Variants in FLT1 observed in about 807,000 individuals in gnomAD.
FLT1 encodes the protein fms related receptor tyrosine kinase 1, also known as vascular endothelial growth factor receptor 1.
Under a neutral mutation model 156.3 loss-of-function variants are expected in FLT1, and 49 were observed. That is an observed-to-expected ratio of 0.31 (90% CI 0.25 to 0.40). The LOEUF (loss-of-function observed/expected upper bound fraction) is 0.40. Among genes scored for constraint, FLT1 ranks in the 10% least tolerant of loss-of-function variants. The pLI is 1.00. For synonymous variants in FLT1, 594 were observed against 583.8 expected (o/e 1.02, Z -0.25); for missense variants, 1,322 against 1,637.2 (o/e 0.81, Z 3.32).
At chr13:28,377,413 C>T (rs1218646056) in intron 14 of FLT1, among the ~76,000 whole-genome samples, 2 of 144,698 alleles carry the variant, frequency 1.4e-5, no homozygotes, top group African/African-American at 4.9e-5. Context: ...TATTTTGATA[C>T]CATGATTGAG....
chr13:28,449,369 C>T (rs909088528), intron 3 of FLT1, among the ~76,000 whole-genome samples: 3 of 152,134 alleles, frequency 2.0e-5, no homozygotes, highest in Non-Finnish European at 4.4e-5. Flanking sequence ...GAATACTTGC[C>T]TGGTGTGTGT....
intron 11 of FLT1, among the ~76,000 whole-genome samples, chr13:28,398,384 A>G (rs1466135279): frequency 6.6e-6 from 1 of 152,220 alleles, no homozygotes; most frequent in Non-Finnish European, 1.5e-5. Context: ...ATACTCTACA[A>G]GTGGTTTGGC....
intron 13 of FLT1, chr13:28,388,891 C>T: frequency 1.9e-6 from 2 of 1,064,148 alleles, no homozygotes; most frequent in Non-Finnish European, 2.3e-6. Flanking sequence ...GCATGATCCA[C>T]TTTCTTTCAG....
chr13:28,350,603 G>A (rs1180301119), intron 15 of FLT1, among the ~76,000 whole-genome samples: 2 of 152,082 alleles, frequency 1.3e-5, no homozygotes, highest in African/African-American at 4.8e-5. Context: ...GAATGGGTAG[G>A]CAGCAGAGCC....
In FLT1 at chr13:28,439,138, C is replaced by T. The variant is rs1878201633; in HGVS notation, c.389-793G>A. ...AGGATTCAAACACCTGTTCAGCTTCCCTGTAACTCCTCAGGGAACCAGAAT... is the reference window on the plus strand; with the variant it reads ...AGGATTCAAACACCTGTTCAGCTTCTCTGTAACTCCTCAGGGAACCAGAAT... On this transcript the variant is annotated intron_variant, in intron 3 of 29. Coordinates refer to ENST00000282397, the MANE Select transcript of FLT1 (RefSeq NM_002019.4). This position sits in a 1 kb window ranked among gnomAD's most constrained non-coding sequence, Gnocchi z 4.1. Among the ~76,000 whole-genome samples, 1 of 152,168 alleles carries T rather than the reference C, an allele frequency of 6.6e-6. No individual in the cohort carries two copies. The highest frequency in any genetic ancestry group is 1.5e-5 in the Non-Finnish European group (1 of 68,036).
At chr13:28,347,090 C>T (rs4771242) in intron 15 of FLT1, among the ~76,000 whole-genome samples, 141,805 of 152,266 alleles carry the variant, frequency 0.93, 66,694 homozygotes, top group East Asian at 1. Context: ...GATTCGGCTG[C>T]TGAGGGAATC....
chr13:28,353,388 C>T lies in FLT1; in HGVS notation c.2248+4166G>A, dbSNP rs186044803. The stretch of plus-strand genomic sequence containing the variant: ...AGGAGTTCGAGACCAGCCTGGCCAA[C>T]GTGGTGAGACCCCGTCTCTACTAAA... On this transcript the variant is annotated intron_variant, in intron 15 of 29. Coordinates refer to ENST00000282397, the MANE Select transcript of FLT1 (RefSeq NM_002019.4). Among the ~76,000 whole-genome samples the T allele has an allele frequency of 2.1e-3, 319 of 151,926 alleles. 1 individual carries two copies. Among genetic ancestry groups the T allele is most frequent in the African/African-American group, 7.2e-3 (299 of 41,438 alleles).
intron 14 of FLT1, among the ~76,000 whole-genome samples, chr13:28,362,669 A>C (rs370558168): frequency 1.1e-4 from 16 of 152,278 alleles, no homozygotes; most frequent in African/African-American, 3.1e-4. Flanking sequence ...AACTTGGAAA[A>C]AACAACAACA....
intron 14 of FLT1, among the ~76,000 whole-genome samples, chr13:28,363,759 G>A (rs962847933): frequency 3.9e-5 from 6 of 151,900 alleles, no homozygotes; most frequent in Non-Finnish European, 7.4e-5. Context: ...GATTATAGGC[G>A]CCCACCACTG....
chr13:28,349,932 C>T (rs1038064723), intron 15 of FLT1, among the ~76,000 whole-genome samples: 2 of 152,152 alleles, frequency 1.3e-5, no homozygotes, highest in Admixed American at 1.3e-4. Context: ...AGTATCATTG[C>T]TCTATTGCAT....
chr13:28,308,423 G>A (rs1298533298), intron 28 of FLT1: 1 of 279,450 alleles, frequency 3.6e-6, no homozygotes, highest in Non-Finnish European at 7.0e-6. Context: ...AACCTCAGGG[G>A]AAAGGAGCAT....
At chr13:28,423,720 G>T (rs1877149805) in intron 10 of FLT1, among the ~76,000 whole-genome samples, 1 of 152,208 alleles carries the variant, frequency 6.6e-6, no homozygotes, top group Non-Finnish European at 1.5e-5. Flanking sequence ...AGCAGAGGCT[G>T]CAAGCTATAG....
intron 10 of FLT1, among the ~76,000 whole-genome samples, chr13:28,415,985 C>T (rs556089452): frequency 2.0e-5 from 3 of 152,290 alleles, no homozygotes; most frequent in Non-Finnish European, 4.4e-5. Flanking sequence ...AGGGAAGTGG[C>T]TTTGCAGTGG....
intron 10 of FLT1, among the ~76,000 whole-genome samples, chr13:28,412,409 TTCTC>T (rs1876348130): frequency 8.1e-6 from 1 of 123,228 alleles, no homozygotes; most frequent in Non-Finnish European, 1.8e-5. Flanking sequence ...TCTTTCTTTC[TTCTC>T]TTTCTCTCTC....
At chr13:28,365,550 C>T (rs549337592) in intron 14 of FLT1, among the ~76,000 whole-genome samples, 2 of 152,264 alleles carry the variant, frequency 1.3e-5, no homozygotes, top group South Asian at 4.1e-4. Flanking sequence ...TGGGGTTCCA[C>T]CATGTTGGCC....
chr13:28,331,932 TAAA>T (rs140118009), intron 18 of FLT1, among the ~76,000 whole-genome samples: 1 of 152,104 alleles, frequency 6.6e-6, no homozygotes, highest in Admixed American at 6.5e-5. Flanking sequence ...CTGAGCCTTT[TAAA>T]AAAATCTCAG....
chr13:28,434,248 AGGTCCTATTAGCACTGGTTGGCAAT>A, intron 4 of FLT1, 28 bp from the exon 5 acceptor site: 1 of 1,608,964 alleles, frequency 6.2e-7, no homozygotes, highest in Non-Finnish European at 8.5e-7. Context: ...TGCATTAACA[AGGTCCTATTAGCACTGGTTGGCAAT>A]ACTGTTTCAC....
intron 1 of FLT1, among the ~76,000 whole-genome samples, chr13:28,479,145 C>A (rs2137650797): frequency 6.6e-6 from 1 of 152,290 alleles, no homozygotes; most frequent in Non-Finnish European, 1.5e-5. Context: ...ATCTTTGCAA[C>A]CAATAATATA....
chr13:28,357,779 T>C (rs1406431096), intron 14 of FLT1, 94 bp from the exon 15 acceptor site: 14 of 1,189,270 alleles, frequency 1.2e-5, no homozygotes, highest in Non-Finnish European at 1.8e-5. Context: ...CATTATGCAT[T>C]CAGACAAGGA....
Sources: allele counts gnomAD v4.1 joint callset (sites outside exome capture counted in the v4.1 genomes callset), GRCh38; gene constraint gnomAD v4.1.1; non-coding constraint Gnocchi (gnomAD v3.1); transcripts MANE v1.5; gene names NCBI Gene and HGNC (gene_info 2026-07-23, HGNC 2026-07-21).